Variants in DLG1 observed in about 807,000 individuals in gnomAD.
DLG1 encodes discs large MAGUK scaffold protein 1, also known as disks large homolog 1.
Under a neutral mutation model 123.4 loss-of-function variants are expected in DLG1, and 42 were observed. That is an observed-to-expected ratio of 0.34 (90% CI 0.27 to 0.44). The LOEUF is 0.44. Among genes scored for constraint, DLG1 ranks in the 20% least tolerant of loss-of-function variants. The probability of loss-of-function intolerance (pLI) is 1.00; values close to 1 mark genes in which losing one functional copy is unlikely to be tolerated. For synonymous variants in DLG1, 317 were observed against 356.2 expected (o/e 0.89, Z 1.24); for missense variants, 942 against 1,082.6 (o/e 0.87, Z 1.82).
chr3:197,114,971 G>A lies in DLG1; in HGVS notation c.1443+956C>T, dbSNP rs181980053. ...CTCCATCCAGCCTGGGCAACAGAGC[G>A]AGACTCCATCTCAAGGAAAAAAAAA... On this transcript the variant is annotated intron_variant, in intron 13 of 24. Coordinates refer to ENST00000667157, the MANE Select transcript of DLG1 (RefSeq NM_001366207.1). Among the ~76,000 whole-genome samples the A allele has an allele frequency of 1.3e-4, 17 of 128,862 alleles. No individual in the cohort carries two copies. The East Asian group carries it at 1.7e-3, about 13-fold the overall frequency. The allele number at this position is 128,862 out of a possible 152,430, so 84.5% of individuals were successfully genotyped here. A position where few individuals can be genotyped will look rare whatever the true frequency, so the allele number is the denominator to read the frequency against.
At chr3:197,086,281 T>G (rs1754298401) in intron 15 of DLG1, among the ~76,000 whole-genome samples, 1 of 152,188 alleles carries the variant, frequency 6.6e-6, no homozygotes, top group African/African-American at 2.4e-5. Context: ...TGGACACTAA[T>G]TACAGATGAC....
intron 4 of DLG1, among the ~76,000 whole-genome samples, chr3:197,236,330 CAA>C (rs1561607224): frequency 6.6e-6 from 1 of 151,586 alleles, no homozygotes; most frequent in Non-Finnish European, 1.5e-5. Context: ...AAAAAAAAGA[CAA>C]AATAAAAATA....
At chr3:197,221,216 G>A (rs943117547) in intron 4 of DLG1, among the ~76,000 whole-genome samples, 1 of 152,096 alleles carries the variant, frequency 6.6e-6, no homozygotes, top group African/African-American at 2.4e-5. Context: ...GAAGTGAGAA[G>A]GATAAAGAAA....
intron 11 of DLG1, among the ~76,000 whole-genome samples, chr3:197,124,726 A>AC (rs1482505002): frequency 6.6e-6 from 1 of 151,912 alleles, no homozygotes; most frequent in Non-Finnish European, 1.5e-5. Flanking sequence ...ACAGGCACGC[A>AC]CCATTGTGCC....
intron 23 of DLG1, among the ~76,000 whole-genome samples, chr3:197,054,429 A>ATTTCTG (rs1553868486): frequency 1.3e-5 from 2 of 151,636 alleles, no homozygotes; most frequent in East Asian, 2.0e-4. Flanking sequence ...TTCTTCAGTC[A>ATTTCTG]TTTCTCTGTT....
At chr3:197,063,113 G>T (rs1315269282) in intron 22 of DLG1, among the ~76,000 whole-genome samples, 2 of 151,088 alleles carry the variant, frequency 1.3e-5, no homozygotes, top group African/African-American at 4.9e-5. Context: ...CTGGGATTAA[G>T]ACTTCTCCCC....
chr3:197,249,210 G>GA (rs1441964178), intron 4 of DLG1, among the ~76,000 whole-genome samples: 1 of 151,708 alleles, frequency 6.6e-6, no homozygotes, highest in Non-Finnish European at 1.5e-5. Context: ...AATCAGAAAT[G>GA]AAAAAGAAAA....
At chr3:197,117,897 T>A (rs1307036842) in intron 12 of DLG1, among the ~76,000 whole-genome samples, 1 of 152,188 alleles carries the variant, frequency 6.6e-6, no homozygotes, top group African/African-American at 2.4e-5. Context: ...CAGGTGAAAT[T>A]TATGATATGT....
intron 13 of DLG1, among the ~76,000 whole-genome samples, chr3:197,108,397 AGAAT>A (rs1213585939): frequency 6.6e-6 from 1 of 152,176 alleles, no homozygotes; most frequent in Non-Finnish European, 1.5e-5. Flanking sequence ...AATGTTTGGC[AGAAT>A]GTACCAGTGC....
At chr3:197,286,762 A>G (rs1772053382) in intron 3 of DLG1, among the ~76,000 whole-genome samples, 1 of 152,102 alleles carries the variant, frequency 6.6e-6, no homozygotes, top group South Asian at 2.1e-4. Flanking sequence ...TTTTTGAGAC[A>G]GGGTCACTCA....
At chr3:197,065,675 T>G in intron 21 of DLG1, 33 bp downstream of exon 21, 1 of 1,434,322 alleles carries the variant, frequency 7.0e-7, no homozygotes, top group Middle Eastern at 1.8e-4. Flanking sequence ...ATGTTAAGAG[T>G]AACAATTAAA....
chr3:197,126,240 C>A (rs1202774199), intron 11 of DLG1, among the ~76,000 whole-genome samples: 1 of 151,838 alleles, frequency 6.6e-6, no homozygotes, highest in Non-Finnish European at 1.5e-5. Flanking sequence ...CTTTGGGAGG[C>A]CGAAGTGGGT....
At chr3:197,078,930 C>T (rs892057983) in intron 17 of DLG1, among the ~76,000 whole-genome samples, 1 of 152,006 alleles carries the variant, frequency 6.6e-6, no homozygotes, top group Non-Finnish European at 1.5e-5. Context: ...ATTATCTTTG[C>T]AGTTAGCCAA....
intron 20 of DLG1, 57 bp downstream of exon 20, chr3:197,066,647 C>A: frequency 2.9e-6 from 4 of 1,368,510 alleles, no homozygotes; most frequent in Admixed American, 2.2e-5. Flanking sequence ...TTTTTTCCCC[C>A]AAATTAAAAA....
chr3:197,076,829 T>C, intron 17 of DLG1, 144 bp from the exon 18 acceptor site: 1 of 451,062 alleles, frequency 2.2e-6, no homozygotes, highest in South Asian at 3.7e-5. Context: ...TCATATAAAG[T>C]GAATTTCTAC....
At chr3:197,156,654 T>C (rs1021656221) in intron 5 of DLG1, among the ~76,000 whole-genome samples, 4 of 152,172 alleles carry the variant, frequency 2.6e-5, no homozygotes, top group Non-Finnish European at 5.9e-5. Context: ...CAGGAGTGGC[T>C]GTACTCATAA....
At chr3:197,290,496 A>C (rs1400507379) in intron 3 of DLG1, among the ~76,000 whole-genome samples, 1 of 152,212 alleles carries the variant, frequency 6.6e-6, no homozygotes, top group Non-Finnish European at 1.5e-5. Context: ...TATCATCAAC[A>C]AAGAGCAGAT....
At chr3:197,157,086 C>T (rs1010781693) in intron 5 of DLG1, among the ~76,000 whole-genome samples, 1 of 152,168 alleles carries the variant, frequency 6.6e-6, no homozygotes, top group Non-Finnish European at 1.5e-5. Flanking sequence ...AGACTGAAAG[C>T]TTTTCCTCTA....
intron 14 of DLG1, among the ~76,000 whole-genome samples, chr3:197,097,612 G>T (rs1358885920): frequency 7.8e-6 from 1 of 128,628 alleles, no homozygotes. Flanking sequence ...AGAGAGTCTC[G>T]CTCTGTCATC....
Sources: allele counts gnomAD v4.1 joint callset (sites outside exome capture counted in the v4.1 genomes callset), GRCh38; gene constraint gnomAD v4.1.1; transcripts MANE v1.5; gene names NCBI Gene and HGNC (gene_info 2026-07-23, HGNC 2026-07-21).